CTBP2: variants seen among roughly 807,000 people sequenced by gnomAD.
The protein encoded by CTBP2 is C-terminal binding protein 2, also known as C-terminal-binding protein 2.
Under a neutral mutation model 80.3 loss-of-function variants are expected in CTBP2, and 30 were observed. The ratio of observed to expected loss-of-function variants is 0.37; its 90% CI spans 0.28 to 0.51. CTBP2 has a LOEUF of 0.51. CTBP2 is among the 20% of genes least tolerant of loss of function. The pLI, the probability that CTBP2 is intolerant of heterozygous loss-of-function variation, is 0.93. For synonymous variants in CTBP2, 594 were observed against 587.4 expected, an observed-to-expected ratio of 1.01 and a Z score of -0.16; for missense variants, 1,212 against 1,375.3, an observed-to-expected ratio of 0.88 and a Z score of 1.88.
At chr10:125,123,685 G>A (rs1297983494) in intron 1 of CTBP2, among the ~76,000 whole-genome samples, 1 of 152,170 alleles carries the variant, frequency 6.6e-6, no homozygotes, top group Non-Finnish European at 1.5e-5. Context: ...GGCTCCCCAG[G>A]GGCCCCGGGG....
At chr10:125,010,267 T>C (rs1955731896) in intron 1 of CTBP2, among the ~76,000 whole-genome samples, 1 of 150,694 alleles carries the variant, frequency 6.6e-6, no homozygotes, top group South Asian at 2.1e-4. Flanking sequence ...AAATCTCAGC[T>C]TTGTTTCTAC....
intron 2 of CTBP2, 95 bp from the exon 5 acceptor site, chr10:125,003,199 G>A (rs1439670392): frequency 5.0e-6 from 8 of 1,586,564 alleles, no homozygotes; most frequent in Non-Finnish European, 6.9e-6. Context: ...CCTTGAACCT[G>A]AGGCAGAGGA....
intron 1 of CTBP2, among the ~76,000 whole-genome samples, chr10:125,015,057 G>C (rs1204254367): frequency 2.0e-5 from 3 of 152,182 alleles, no homozygotes; most frequent in Non-Finnish European, 4.4e-5. Flanking sequence ...CTTGGGTAGA[G>C]GAAAAAAATG....
chr10:125,120,686 C>G (rs1163537136), intron 1 of CTBP2, among the ~76,000 whole-genome samples: 1 of 152,138 alleles, frequency 6.6e-6, no homozygotes, highest in Non-Finnish European at 1.5e-5. Context: ...CAGCCAACAA[C>G]ATTTCTTTAG....
upstream of CTBP2, among the ~76,000 whole-genome samples, chr10:125,031,488 CAAAAAA>C (rs11463934): frequency 0.024 from 807 of 33,702 alleles, 17 homozygotes; most frequent in African/African-American, 0.085. Flanking sequence ...GACTCCATTT[CAAAAAA>C]AAAAAAAAAA....
At chr10:125,155,387 C>T (rs192257618) in intron 1 of CTBP2, among the ~76,000 whole-genome samples, 1 of 151,332 alleles carries the variant, frequency 6.6e-6, no homozygotes, top group Non-Finnish European at 1.5e-5. Flanking sequence ...ATTCTGTATT[C>T]ATTTGTGAAT....
At chr10:125,021,972 G>C (rs1053801298) in intron 1 of CTBP2, among the ~76,000 whole-genome samples, 6 of 152,214 alleles carry the variant, frequency 3.9e-5, no homozygotes, top group African/African-American at 1.2e-4. Flanking sequence ...CTGGCTATGT[G>C]GCTCCACAAT....
At chr10:125,019,992 C>T (rs777736747) in intron 1 of CTBP2, among the ~76,000 whole-genome samples, 3 of 152,138 alleles carry the variant, frequency 2.0e-5, no homozygotes, top group African/African-American at 4.8e-5. Context: ...AGGATGGACA[C>T]TGGACACTCA....
chr10:125,101,288 T>C (rs189287787), intron 2 of CTBP2, among the ~76,000 whole-genome samples: 1 of 152,358 alleles, frequency 6.6e-6, no homozygotes, highest in Non-Finnish European at 1.5e-5. Flanking sequence ...GTCTTCGTCC[T>C]CTCCATGGCT....
upstream of CTBP2, among the ~76,000 whole-genome samples, chr10:125,031,487 T>TAAAAAA (rs1445636888): frequency 2.4e-3 from 29 of 12,034 alleles, 2 homozygotes; most frequent in Non-Finnish European, 3.8e-3. Flanking sequence ...AGACTCCATT[T>TAAAAAA]CAAAAAAAAA....
chr10:125,026,546 CGGCGAGCCGGGTCTCCAGCTCGGGGGGAT>C lies in CTBP2; in HGVS notation c.1185_1213del (p.Pro397LeufsTer59). 6.4e-7 allele frequency: 1 copy of C among 1,573,146 alleles called. No homozygotes were observed. The highest frequency in any genetic ancestry group is 2.4e-5 in the East Asian group (1 of 42,136). On this transcript the variant is annotated frameshift_variant, in exon 1 of 9. Coordinates refer to ENST00000309035, the MANE Select transcript of CTBP2 (RefSeq NM_022802.3). LOFTEE classifies it high-confidence loss of function. The stretch of plus-strand genomic sequence containing the variant: ...GTGCTGAGATGGTGCGCTGGAGGGA[CGGCGAGCCGGGTCTCCAGCTCGGGGGGAT>C]GCTGTCTGCAGAGGAGCCGCAGCGC...
intron 2 of CTBP2, among the ~76,000 whole-genome samples, chr10:125,091,112 T>C (rs1279672796): frequency 2.0e-5 from 3 of 151,996 alleles, no homozygotes; most frequent in Admixed American, 1.3e-4. Context: ...ACCAAAACCA[T>C]AGTAAGTACA....
intron 1 of CTBP2, among the ~76,000 whole-genome samples, chr10:125,016,331 T>C (rs1590088212): frequency 6.6e-6 from 1 of 152,334 alleles, no homozygotes; most frequent in South Asian, 2.1e-4. Flanking sequence ...TGGCTGCCCA[T>C]GAGTGCCGGG....
At chr10:125,033,662 C>T (rs907491859) in intron 3 of CTBP2, among the ~76,000 whole-genome samples, 15 of 152,254 alleles carry the variant, frequency 9.9e-5, no homozygotes, top group East Asian at 1.9e-4. Flanking sequence ...ACGGAGACTA[C>T]GGATGCACTG....
chr10:124,985,148 G>C lies in CTBP2; in HGVS notation c.*4370C>G. On this transcript the variant is annotated 3_prime_UTR_variant, in exon 9 of 9. Coordinates refer to ENST00000309035, the MANE Select transcript of CTBP2 (RefSeq NM_022802.3). ...TCCTGGACCACACACACCTTATGGA[G>C]ATAATGCCTCTGCTGCGTGAGGAGA... 1 of 587,002 alleles carries C rather than the reference G, an allele frequency of 1.7e-6. No individual in the cohort carries two copies. The highest frequency in any genetic ancestry group is 2.4e-5 in the South Asian group (1 of 41,710). The allele number at this position is 587,002 out of a possible 1,614,324, so 36.4% of individuals were successfully genotyped here.
chr10:125,078,431 T>C (rs1590606508), intron 2 of CTBP2, among the ~76,000 whole-genome samples: 1 of 152,126 alleles, frequency 6.6e-6, no homozygotes, highest in East Asian at 1.9e-4. Flanking sequence ...CAAGGTCTTA[T>C]CAATTATTAT....
rs982188241 is a variant in CTBP2, at chr10:124,985,821, G to C, written c.*3697C>G. 1 of 152,192 alleles carries C rather than the reference G, an allele frequency of 6.6e-6. No homozygotes were observed. Among genetic ancestry groups the C allele is most frequent in the Non-Finnish European group, 1.5e-5 (1 of 68,018 alleles). The allele number at this position is 152,192 out of a possible 1,614,324, so 9.4% of individuals were successfully genotyped here. On this transcript the variant is annotated 3_prime_UTR_variant, in exon 9 of 9. Transcript: ENST00000309035. Reference sequence around the variant, plus strand: ...GCCCACTTGTCACTAAATGAATTGTGTGAAATGTGCTCACTTGGACTCCAT... The same window carrying C: ...GCCCACTTGTCACTAAATGAATTGTCTGAAATGTGCTCACTTGGACTCCAT...
chr10:125,034,556 T>C (rs1407170960), intron 3 of CTBP2, among the ~76,000 whole-genome samples: 2 of 152,240 alleles, frequency 1.3e-5, no homozygotes, highest in East Asian at 1.9e-4. Flanking sequence ...TTATAATGTA[T>C]AGCAACATTA....
chr10:124,998,291 C>T (rs1031822173), intron 3 of CTBP2, 121 bp from the exon 6 acceptor site: 9 of 1,150,674 alleles, frequency 7.8e-6, no homozygotes, highest in East Asian at 2.6e-5. Context: ...CCCACCTTAT[C>T]GTCTAGCAGA....
Sources: allele counts gnomAD v4.1 joint callset (sites outside exome capture counted in the v4.1 genomes callset), GRCh38; gene constraint gnomAD v4.1.1; transcripts MANE v1.5; gene names NCBI Gene and HGNC (gene_info 2026-07-23, HGNC 2026-07-21).